The following RNF144A variants were observed in gnomAD, a reference collection of about 807,000 sequenced individuals.
The protein encoded by RNF144A is ring finger protein 144A.
A neutral mutation model predicts 38.7 loss-of-function variants in RNF144A; 11 were observed. The ratio of observed to expected loss-of-function variants is 0.28; its 90% CI spans 0.18 to 0.47. The LOEUF is 0.47. RNF144A is among the 20% of genes least tolerant of loss of function. The pLI is 0.99. For synonymous variants in RNF144A, 149 were observed against 143.9 expected, an observed-to-expected ratio of 1.04 and a Z score of -0.25; for missense variants, 316 against 377.2, an observed-to-expected ratio of 0.84 and a Z score of 1.34.
chr2:6,935,465 G>A (rs897785674), intron 1 of RNF144A, among the ~76,000 whole-genome samples: 3 of 152,160 alleles, frequency 2.0e-5, no homozygotes, highest in African/African-American at 4.8e-5. Context: ...TTGGACATCC[G>A]AGGGCCCCAC....
chr2:7,056,009 A>G (rs944130305), intron 6 of RNF144A, among the ~76,000 whole-genome samples: 1 of 152,188 alleles, frequency 6.6e-6, no homozygotes, highest in Non-Finnish European at 1.5e-5. Context: ...GTAACTAGTC[A>G]GAAGACTAGG....
downstream of RNF144A, among the ~76,000 whole-genome samples, chr2:7,068,933 G>A (rs189186478): frequency 1.3e-3 from 202 of 152,320 alleles, no homozygotes; most frequent in African/African-American, 4.6e-3. Context: ...AGCCTCCGAG[G>A]TGAGTGTGTT....
At chr2:6,935,235 C>T (rs779702858) in intron 1 of RNF144A, among the ~76,000 whole-genome samples, 5 of 152,208 alleles carry the variant, frequency 3.3e-5, no homozygotes, top group East Asian at 1.9e-4. Flanking sequence ...ATCTGCATAG[C>T]GGGCCATTTC....
At chr2:6,923,790 A>T (rs1478790879) in intron 1 of RNF144A, among the ~76,000 whole-genome samples, 1 of 141,090 alleles carries the variant, frequency 7.1e-6, no homozygotes, top group African/African-American at 2.9e-5. Flanking sequence ...GTGCTTCCAT[A>T]GCAACTTTAT....
At chr2:7,025,171 C>T (rs886378916) in intron 7 of RNF144A, among the ~76,000 whole-genome samples, 3 of 152,184 alleles carry the variant, frequency 2.0e-5, no homozygotes, top group East Asian at 1.9e-4. Flanking sequence ...CACACCCTAC[C>T]GTGTGTGCCT....
intron 2 of RNF144A, among the ~76,000 whole-genome samples, chr2:6,990,108 A>G (rs1240524587): frequency 6.6e-6 from 1 of 152,262 alleles, no homozygotes; most frequent in East Asian, 1.9e-4. Flanking sequence ...ACAGAATACC[A>G]TTGACCACGG....
At chr2:6,926,182 C>T (rs952471224) in intron 1 of RNF144A, among the ~76,000 whole-genome samples, 3 of 152,174 alleles carry the variant, frequency 2.0e-5, no homozygotes, top group African/African-American at 4.8e-5. Context: ...GCCACAGCTG[C>T]GCCACATCTG....
In RNF144A at chr2:7,034,302, G is replaced by A. The variant is rs76601757; in HGVS notation, c.747+4087G>A. Among the ~76,000 whole-genome samples the A allele has an allele frequency of 5.4e-3, 821 of 152,184 alleles. 4 individuals are homozygous for A. Among genetic ancestry groups the A allele is most frequent in the Non-Finnish European group, 7.7e-3 (526 of 68,008 alleles). ...AAAAAAAAAAGTTCACAAAAGTGCG[G>A]TGAGACTTGGAGCGATAGTGTTTGG... On this transcript the variant is annotated intron_variant, in intron 8 of 8. Coordinates refer to ENST00000320892, the MANE Select transcript of RNF144A (RefSeq NM_014746.6).
At chr2:6,933,667 C>T (rs1339910900) in intron 1 of RNF144A, among the ~76,000 whole-genome samples, 1 of 68,362 alleles carries the variant, frequency 1.5e-5, no homozygotes, top group Non-Finnish European at 4.2e-5. Context: ...AAGCAATTGC[C>T]CACAGGTTTT....
chr2:6,947,867 C>T (rs1666438897), intron 2 of RNF144A, among the ~76,000 whole-genome samples: 1 of 152,162 alleles, frequency 6.6e-6, no homozygotes, highest in Non-Finnish European at 1.5e-5. Flanking sequence ...TGGATTTGTT[C>T]ATTATACAAT....
Position 7,041,091 on chromosome 2 carries a change from A to T in RNF144A, c.*1331A>T. The stretch of plus-strand genomic sequence containing the variant: ...AAGCCACAGGTGCTTTTACAAAGCA[A>T]ACTGCATTGAATTTAAAACTTCTAA... On this transcript the variant is annotated 3_prime_UTR_variant, in exon 9 of 9. Transcript: ENST00000320892. 1.0e-6 allele frequency: 1 copy of T among 982,852 alleles called. No homozygotes were observed. The highest frequency in any genetic ancestry group is 1.7e-5 in the African/African-American group (1 of 57,316). The allele number at this position is 982,852 out of a possible 1,614,324, so 60.9% of individuals were successfully genotyped here.
downstream of RNF144A, among the ~76,000 whole-genome samples, chr2:7,047,332 A>T (rs1453469686): frequency 6.6e-6 from 1 of 152,150 alleles, no homozygotes; most frequent in Admixed American, 6.5e-5. Flanking sequence ...GTCCATTTTC[A>T]TGCTGCTGAT....
At chr2:6,990,788 G>A (rs760439846) in intron 2 of RNF144A, among the ~76,000 whole-genome samples, 7 of 152,028 alleles carry the variant, frequency 4.6e-5, no homozygotes, top group Non-Finnish European at 8.8e-5. Flanking sequence ...TCACCATTAC[G>A]CTTCATGCTG....
At chr2:6,951,108 T>G (rs1349536288) in intron 2 of RNF144A, among the ~76,000 whole-genome samples, 1 of 152,176 alleles carries the variant, frequency 6.6e-6, no homozygotes, top group African/African-American at 2.4e-5. Flanking sequence ...TCTCTTATAT[T>G]TAATAGTTTT....
chr2:6,972,727 T>G (rs1668073099), intron 2 of RNF144A, among the ~76,000 whole-genome samples: 1 of 151,896 alleles, frequency 6.6e-6, no homozygotes, highest in Middle Eastern at 3.2e-3. Flanking sequence ...TCCCAAGGAG[T>G]CCAAGGACTG....
chr2:6,919,952 C>T (rs1239018109), intron 1 of RNF144A, among the ~76,000 whole-genome samples: 6 of 152,182 alleles, frequency 3.9e-5, no homozygotes, highest in Admixed American at 2.6e-4. Context: ...GATTCCAGTG[C>T]CCTCAGCTTG....
At chr2:6,947,900 A>C (rs1008574370) in intron 2 of RNF144A, among the ~76,000 whole-genome samples, 9 of 152,186 alleles carry the variant, frequency 5.9e-5, no homozygotes, top group African/African-American at 2.2e-4. Context: ...TGCTCTAAGG[A>C]TCAGATGTAT....
rs1027719429 is a variant in RNF144A, at chr2:7,042,617, A to G, written c.*2857A>G. 7.1e-6 allele frequency: 7 copies of G among 985,422 alleles called. No homozygotes were observed. Among genetic ancestry groups the G allele is most frequent in the Non-Finnish European group, 8.4e-6 (7 of 830,042 alleles). 61.0% of individuals were successfully genotyped at this position (985,422 alleles called of 1,614,324 possible). A position where few individuals can be genotyped will look rare whatever the true frequency, so the allele number is the denominator to read the frequency against. On this transcript the variant is annotated 3_prime_UTR_variant, in exon 9 of 9. Coordinates refer to ENST00000320892, the MANE Select transcript of RNF144A (RefSeq NM_014746.6). ...TGACCACATTTGGAGGTTTTGCTGGAAATGCCTGACCTCTCAGTCTGGCTC... is the reference window on the plus strand; with the variant it reads ...TGACCACATTTGGAGGTTTTGCTGGGAATGCCTGACCTCTCAGTCTGGCTC...
At chr2:7,008,487 C>T (rs745334932) in intron 3 of RNF144A, among the ~76,000 whole-genome samples, 27 of 152,176 alleles carry the variant, frequency 1.8e-4, no homozygotes, top group Non-Finnish European at 5.9e-5. Context: ...ATAAAGCAGC[C>T]GTGGATGACA....
Sources: allele counts gnomAD v4.1 joint callset (sites outside exome capture counted in the v4.1 genomes callset), GRCh38; gene constraint gnomAD v4.1.1; transcripts MANE v1.5; gene names NCBI Gene and HGNC (gene_info 2026-07-23, HGNC 2026-07-21).